The following VEZT variants were observed in gnomAD, a reference collection of about 807,000 sequenced individuals.
VEZT encodes the protein vezatin, adherens junctions transmembrane protein.
A neutral mutation model predicts 79.9 loss-of-function variants in VEZT; 39 were observed. That is an observed-to-expected ratio of 0.49 (90% CI 0.38 to 0.64). The LOEUF is 0.64. Ranked by LOEUF, VEZT falls within the 30% of genes least tolerant of loss-of-function variation. The probability of loss-of-function intolerance (pLI) is 0.00; values close to 1 mark genes in which losing one functional copy is unlikely to be tolerated. For missense variants in VEZT, 837 were observed against 893.1 expected (o/e 0.94, Z 0.80); for synonymous variants, 325 against 327.6 (o/e 0.99, Z 0.09).
intron 1 of VEZT, among the ~76,000 whole-genome samples, chr12:95,245,756 G>T (rs1265381918): frequency 6.6e-6 from 1 of 152,164 alleles, no homozygotes; most frequent in Non-Finnish European, 1.5e-5. Context: ...GAGGCAGGAG[G>T]ATCCCTTGAG....
At position 95,296,082 on chromosome 12, in the gene VEZT, T is replaced by C. The variant is rs2074076273; in HGVS notation, c.1655T>C (p.Ile552Thr). The C allele has an allele frequency of 1.9e-6, 3 of 1,556,420 alleles. No individual in the cohort carries two copies. The highest frequency in any genetic ancestry group is 1.2e-5 in the South Asian group (1 of 84,324). The change falls in exon 11 of 12, where the codon ATT becomes ACT. Residue 552 changes from isoleucine to threonine, a missense_variant. Physicochemically the swap from Ile to Thr is moderately conservative, Grantham distance 89. Transcript: ENST00000436874. ...GAAGCTTATGTAGATGATATAGATA[T>C]TGATAGTGATTTCAGAAAGGATGAT... ...ELEAYVDDID[I>T]DSDFRKDDFY...
chr12:95,238,436 A>G (rs1291763800), intron 1 of VEZT, among the ~76,000 whole-genome samples: 1 of 152,194 alleles, frequency 6.6e-6, no homozygotes, highest in South Asian at 2.1e-4. Context: ...TTTCTAAAAT[A>G]TATATAGTAA....
intron 1 of VEZT, among the ~76,000 whole-genome samples, chr12:95,238,550 T>C (rs568782710): frequency 2.7e-4 from 41 of 152,306 alleles, no homozygotes; most frequent in African/African-American, 9.6e-4. Flanking sequence ...CCACCATATT[T>C]ATATGCTAAA....
chr12:95,260,321 G>A (rs989239334), intron 3 of VEZT, among the ~76,000 whole-genome samples: 3 of 151,994 alleles, frequency 2.0e-5, no homozygotes, highest in Admixed American at 6.6e-5. Context: ...GGCCATGCTG[G>A]TCTTGAACTC....
chr12:95,282,974 T>TAGTG (rs1443592922), intron 8 of VEZT, among the ~76,000 whole-genome samples: 2 of 152,136 alleles, frequency 1.3e-5, no homozygotes, highest in African/African-American at 4.8e-5. Flanking sequence ...TGTCTTAAGG[T>TAGTG]AGTGCTCTTA....
At chr12:95,272,994 A>G (rs1036137817) in intron 6 of VEZT, among the ~76,000 whole-genome samples, 2 of 152,100 alleles carry the variant, frequency 1.3e-5, no homozygotes. Context: ...GGGATCCCAC[A>G]TTGCTGGGAT....
intron 2 of VEZT, 51 bp from the exon 3 acceptor site, chr12:95,257,098 CT>C (rs2063588124): frequency 1.4e-6 from 2 of 1,418,860 alleles, no homozygotes; most frequent in Non-Finnish European, 1.9e-6. Context: ...AGTTTTTCTG[CT>C]GTTTGGGTAT....
At chr12:95,240,525 A>C (rs957457819) in intron 1 of VEZT, among the ~76,000 whole-genome samples, 6 of 152,220 alleles carry the variant, frequency 3.9e-5, no homozygotes, top group African/African-American at 7.2e-5. Flanking sequence ...AGATATTTTT[A>C]ATACTGTAAT....
chr12:95,286,914 G>C (rs2071065652), intron 8 of VEZT: 1 of 169,828 alleles, frequency 5.9e-6, no homozygotes, highest in Admixed American at 7.4e-5. Context: ...GGTGTCTCCA[G>C]TCTTGCATGT....
rs1369833039 is a variant in VEZT at position 95,300,431 on chromosome 12, C to T, written c.2098C>T (p.Pro700Ser). 6.2e-7 allele frequency: 1 copy of T among 1,613,826 alleles called. No individual in the cohort carries two copies. The highest frequency in any genetic ancestry group is 8.5e-7 in the Non-Finnish European group (1 of 1,179,882). The change falls in exon 12 of 12, where the codon CCA becomes TCA. Residue 700 changes from proline (P) to serine (S), a missense_variant. Pro to Ser is a moderately conservative substitution (Grantham distance 74). Transcript: ENST00000436874. ...TTACCAATGTGAGAGTGAAGATGAACCACAAGCAGATGGAAGTGGTCTGAC... is the reference window on the plus strand; with the variant it reads ...TTACCAATGTGAGAGTGAAGATGAATCACAAGCAGATGGAAGTGGTCTGAC... ...MCYQCESEDE[P>S]QADGSGLTTA...
At chr12:95,265,302 C>A (rs2065326768) in intron 4 of VEZT, among the ~76,000 whole-genome samples, 1 of 151,816 alleles carries the variant, frequency 6.6e-6, no homozygotes, top group African/African-American at 2.4e-5. Flanking sequence ...AAAGTACAAA[C>A]CTTGTCCATA....
At chr12:95,300,063 ATTG>A (rs1355689188) in intron 11 of VEZT, 99 bp from the exon 12 acceptor site, 8 of 624,664 alleles carry the variant, frequency 1.3e-5, no homozygotes, top group Non-Finnish European at 1.9e-5. Flanking sequence ...TTATTTATTT[ATTG>A]TTCTTTTTAA....
chr12:95,256,920 G>A (rs890618312), intron 2 of VEZT, among the ~76,000 whole-genome samples: 4 of 152,054 alleles, frequency 2.6e-5, no homozygotes, highest in Non-Finnish European at 5.9e-5. Context: ...CTTTAGTTTG[G>A]GGGCCCAAGA....
chr12:95,293,279 CT>C (rs1452553335), intron 9 of VEZT, among the ~76,000 whole-genome samples: 1 of 152,212 alleles, frequency 6.6e-6, no homozygotes, highest in African/African-American at 2.4e-5. Context: ...ATTCATCGTT[CT>C]GCCATCTTGC....
intron 11 of VEZT, chr12:95,298,906 A>T (rs2074751739): frequency 6.5e-6 from 1 of 152,896 alleles, no homozygotes; most frequent in South Asian, 2.1e-4. Context: ...ACATTATGGG[A>T]AAGATTTATC....
intron 7 of VEZT, among the ~76,000 whole-genome samples, chr12:95,277,149 C>T (rs975169707): frequency 6.6e-6 from 1 of 151,780 alleles, no homozygotes; most frequent in African/African-American, 2.4e-5. Context: ...ATGTAAAGAA[C>T]CTTTTTAATG....
At chr12:95,293,891 A>AT (rs1047719282) in intron 9 of VEZT, 92 of 163,116 alleles carry the variant, frequency 5.6e-4, no homozygotes, top group African/African-American at 2.0e-3. Flanking sequence ...AGTACCAAGG[A>AT]TTTTTTTGGT....
chr12:95,274,818 C>A lies in VEZT; in HGVS notation c.925C>A (p.Leu309Ile). The change falls in exon 7 of 12, where the codon CTT becomes ATT. Residue 309 changes from leucine (L) to isoleucine (I), a missense_variant. Coordinates refer to ENST00000436874, the MANE Select transcript of VEZT (RefSeq NM_017599.4). ...GCCTTTTAAAGAGCTGGGCCTTGGA[C>A]TTAGTGAAGAGCAGATTTCAGAAGA... ...VVPFKELGLGLSEEQISEEEA... is the reference protein window; with the variant it reads ...VVPFKELGLGISEEQISEEEA... 6.2e-7 allele frequency: 1 copy of A among 1,613,870 alleles called. No individual in the cohort carries two copies. The highest frequency in any genetic ancestry group is 8.5e-7 in the Non-Finnish European group (1 of 1,179,840).
chr12:95,225,761 CAAAAAAAAAAAAA>C (rs531470163), intron 1 of VEZT, among the ~76,000 whole-genome samples: 35 of 40,856 alleles, frequency 8.6e-4, no homozygotes, highest in East Asian at 3.0e-3. Flanking sequence ...TGTTTCATAG[CAAAAAAAAAAAAA>C]AAAAAAAAAA....
Sources: gnomAD v4.1 joint callset for allele counts (sites outside exome capture counted in the v4.1 genomes callset) on GRCh38, gnomAD v4.1.1 for gene constraint, MANE v1.5 for transcripts, NCBI Gene and HGNC (gene_info 2026-07-23, HGNC 2026-07-21) for gene names.